Variants in B3GALNT2 observed in about 807,000 individuals in gnomAD.
B3GALNT2 encodes UDP-GalNAc:beta-1,3-N-acetylgalactosaminyltransferase 2.
B3GALNT2 carries 53 observed loss-of-function variants against 61.1 expected under a neutral mutation model. The ratio of observed to expected loss-of-function variants is 0.87; its 90% CI spans 0.70 to 1.09. The LOEUF (loss-of-function observed/expected upper bound fraction) is 1.09, where lower values mean the gene tolerates loss of function less well. B3GALNT2 is among the 50% of genes least tolerant of loss of function. The pLI is 0.00. For missense variants in B3GALNT2, 544 were observed against 623.0 expected, an observed-to-expected ratio of 0.87 and a Z score of 1.35; for synonymous variants, 223 against 237.4, an observed-to-expected ratio of 0.94 and a Z score of 0.56.
chr1:235,497,729 C>A (rs2102868526), intron 1 of B3GALNT2, among the ~76,000 whole-genome samples: 1 of 152,302 alleles, frequency 6.6e-6, no homozygotes, highest in South Asian at 2.1e-4. Flanking sequence ...ATTCTAGCTG[C>A]TGCTCAGTTC....
intron 1 of B3GALNT2, among the ~76,000 whole-genome samples, chr1:235,498,512 C>G (rs1685435298): frequency 6.6e-6 from 1 of 152,160 alleles, no homozygotes. Flanking sequence ...AATGATGGTA[C>G]TTCAAGGAAA....
At chr1:235,482,607 CA>C (rs58814316) in intron 4 of B3GALNT2, among the ~76,000 whole-genome samples, 11,385 of 139,032 alleles carry the variant, frequency 0.082, 868 homozygotes, top group African/African-American at 0.21. Flanking sequence ...CCTGCTAAAA[CA>C]AAAAAAAAAA....
chr1:235,468,341 G>A (rs966120652), intron 6 of B3GALNT2, among the ~76,000 whole-genome samples: 1 of 150,918 alleles, frequency 6.6e-6, no homozygotes, highest in Non-Finnish European at 1.5e-5. Flanking sequence ...GTTTTTTTAG[G>A]TTAACTGTAT....
chr1:235,495,552 AT>A (rs1316505546), intron 1 of B3GALNT2, among the ~76,000 whole-genome samples: 98 of 152,066 alleles, frequency 6.4e-4, no homozygotes, highest in African/African-American at 2.1e-3. Flanking sequence ...AAAAAAAAAA[AT>A]AATAATAAAG....
At chr1:235,444,010 A>G (rs996373774), downstream of B3GALNT2, among the ~76,000 whole-genome samples, 2 of 152,258 alleles carry the variant, frequency 1.3e-5, no homozygotes, top group African/African-American at 4.8e-5. Context: ...AATTTAGAGC[A>G]GTGAGGATTT....
At chr1:235,480,381 A>C (rs982751062) in intron 4 of B3GALNT2, among the ~76,000 whole-genome samples, 10 of 152,040 alleles carry the variant, frequency 6.6e-5, no homozygotes, top group African/African-American at 2.4e-4. Flanking sequence ...TCAAATGCTA[A>C]ACATAATCCA....
At chr1:235,470,729 T>C in intron 6 of B3GALNT2, 121 bp downstream of exon 6, 1 of 1,413,778 alleles carries the variant, frequency 7.1e-7, no homozygotes, top group Non-Finnish European at 9.3e-7. Context: ...CTATATATGT[T>C]GTAAAACACA....
intron 5 of B3GALNT2, chr1:235,479,231 C>G (rs541252297): frequency 6.6e-6 from 1 of 152,198 alleles, no homozygotes; most frequent in Non-Finnish European, 1.5e-5. Flanking sequence ...TCACCAGGGC[C>G]GGTCAGTTGT....
intron 5 of B3GALNT2, among the ~76,000 whole-genome samples, chr1:235,474,663 T>C (rs867651773): frequency 6.6e-6 from 1 of 151,208 alleles, no homozygotes; most frequent in Non-Finnish European, 1.5e-5. Flanking sequence ...GTATTAAAAA[T>C]AAAAAAAATT....
the B3GALNT2 span, among the ~76,000 whole-genome samples, chr1:235,440,554 G>A: frequency 6.6e-6 from 1 of 151,896 alleles, no homozygotes; most frequent in Admixed American, 6.6e-5. Context: ...CACCATGCCC[G>A]GCTAATTTTT....
intron 9 of B3GALNT2, among the ~76,000 whole-genome samples, chr1:235,455,347 G>A (rs542783933): frequency 8.2e-4 from 125 of 152,138 alleles, no homozygotes; most frequent in African/African-American, 2.8e-3. Flanking sequence ...TGGCCTCAAA[G>A]GATCCTCCCA....
intron 11 of B3GALNT2, among the ~76,000 whole-genome samples, chr1:235,452,811 C>T (rs1423738581): frequency 6.6e-6 from 1 of 152,204 alleles, no homozygotes; most frequent in Non-Finnish European, 1.5e-5. Flanking sequence ...ACCTTGGCCT[C>T]CCAAAGTGTT....
chr1:235,474,787 C>G (rs1164363230), intron 5 of B3GALNT2, among the ~76,000 whole-genome samples: 1 of 151,368 alleles, frequency 6.6e-6, no homozygotes, highest in African/African-American at 2.4e-5. Context: ...AGCCATTGCA[C>G]TCCAGCCTGG....
At chr1:235,469,782 G>C (rs1031365842) in intron 6 of B3GALNT2, among the ~76,000 whole-genome samples, 3 of 150,450 alleles carry the variant, frequency 2.0e-5, no homozygotes, top group African/African-American at 7.4e-5. Context: ...GGCTGGTCTT[G>C]ACCTCCTGAC....
chr1:235,444,704 A>G (rs7526641), downstream of B3GALNT2, among the ~76,000 whole-genome samples: 28,215 of 152,262 alleles, frequency 0.19, 3,641 homozygotes, highest in African/African-American at 0.37. Context: ...CATGCCTGGC[A>G]GGCCAGGACT....
At chr1:235,441,573 CA>C in the B3GALNT2 span, 15 of 541,820 alleles carry the variant, frequency 2.8e-5, no homozygotes, top group Non-Finnish European at 5.0e-5. Flanking sequence ...TTTCACTGGT[CA>C]TTAACAATGA....
chr1:235,450,118 CT>C lies in B3GALNT2; in HGVS notation c.*87del. ...GAACTCTCTTGAAAGACCATACAGT[CT>C]ACTGCTAAACCCTGGGACTCCTCAG... is the stretch of plus-strand genomic sequence containing the variant. On this transcript the variant is annotated 3_prime_UTR_variant, in exon 12 of 12. Transcript: ENST00000366600. 1.3e-6 allele frequency: 2 copies of C among 1,498,922 alleles called. No homozygotes were observed. Among genetic ancestry groups the C allele is most frequent in the Non-Finnish European group, 1.8e-6 (2 of 1,084,852 alleles). 92.9% of individuals were successfully genotyped at this position (1,498,922 alleles called of 1,614,324 possible).
chr1:235,475,983 C>T (rs1229369773), intron 5 of B3GALNT2, among the ~76,000 whole-genome samples: 8 of 152,062 alleles, frequency 5.3e-5, no homozygotes, highest in South Asian at 2.1e-4. Context: ...AGACACCACA[C>T]GTGGCCTGCT....
intron 6 of B3GALNT2, among the ~76,000 whole-genome samples, chr1:235,469,086 T>A (rs570909075): frequency 1.8e-4 from 28 of 152,344 alleles, no homozygotes; most frequent in Non-Finnish European, 3.5e-4. Context: ...TGGGTCTATT[T>A]GTTTAATGTC....
Sources: allele counts gnomAD v4.1 joint callset (sites outside exome capture counted in the v4.1 genomes callset), GRCh38; gene constraint gnomAD v4.1.1; transcripts MANE v1.5; gene names NCBI Gene and HGNC (gene_info 2026-07-23, HGNC 2026-07-21).